ADD1: variants seen among roughly 807,000 people sequenced by gnomAD.
ADD1 encodes the protein adducin 1, also known as alpha-adducin.
A neutral mutation model predicts 80.5 loss-of-function variants in ADD1; 24 were observed. The ratio of observed to expected loss-of-function variants is 0.30; its 90% CI spans 0.22 to 0.42. The LOEUF is 0.42. ADD1 is among the 10% of genes least tolerant of loss of function. The pLI is 1.00. For missense variants in ADD1, 948 were observed against 1,019.0 expected (o/e 0.93, Z 0.95); for synonymous variants, 373 against 393.8 (o/e 0.95, Z 0.63).
intron 1 of ADD1, among the ~76,000 whole-genome samples, chr4:2,849,937 G>A (rs1236210908): frequency 6.6e-6 from 1 of 152,236 alleles, no homozygotes; most frequent in Non-Finnish European, 1.5e-5. Context: ...ATACATGAAA[G>A]AGAGAATGTT....
chr4:2,893,392 G>T (rs1057241984), intron 4 of ADD1, among the ~76,000 whole-genome samples: 2 of 152,048 alleles, frequency 1.3e-5, no homozygotes, highest in South Asian at 2.1e-4. Flanking sequence ...GGCAGATCCA[G>T]TTGAGCCCAG....
At chr4:2,853,142 T>C (rs1248195982) in intron 1 of ADD1, 1 of 150,874 alleles carries the variant, frequency 6.6e-6, no homozygotes, top group Non-Finnish European at 1.5e-5. Context: ...AGGTTCTCAC[T>C]GTGTTGCCCA....
intron 13 of ADD1, 191 bp from the exon 14 acceptor site, chr4:2,914,693 G>A: frequency 1.7e-6 from 1 of 575,774 alleles, no homozygotes; most frequent in Non-Finnish European, 3.0e-6. Context: ...TCGTGGCACT[G>A]ACCTGTGTTT....
chr4:2,862,234 G>A (rs553402647), intron 1 of ADD1, among the ~76,000 whole-genome samples: 1 of 152,236 alleles, frequency 6.6e-6, no homozygotes, highest in Non-Finnish European at 1.5e-5. Flanking sequence ...AGCTGTGCCA[G>A]ATGCTGCTGA....
intron 4 of ADD1, among the ~76,000 whole-genome samples, chr4:2,891,399 A>T (rs1734280239): frequency 6.6e-6 from 1 of 152,076 alleles, no homozygotes; most frequent in Non-Finnish European, 1.5e-5. Context: ...GTGAGCTGAG[A>T]TCGTGCCCCT....
chr4:2,928,104 C>A, intron 15 of ADD1, 67 bp from the exon 16 acceptor site: 1 of 1,393,742 alleles, frequency 7.2e-7, no homozygotes, highest in South Asian at 1.2e-5. Flanking sequence ...TGGGGCTCCC[C>A]CATCTCAAGC....
intron 1 of ADD1, among the ~76,000 whole-genome samples, chr4:2,856,197 C>G (rs1728037115): frequency 6.6e-6 from 1 of 152,116 alleles, no homozygotes; most frequent in African/African-American, 2.4e-5. Flanking sequence ...CAACCTTCAC[C>G]TAAGTTCTTG....
chr4:2,915,010 G>A lies in ADD1; in HGVS notation c.1918G>A (p.Glu640Lys). The A allele has an allele frequency of 6.2e-7, 1 of 1,613,910 alleles. No homozygotes were observed. Among genetic ancestry groups the A allele is most frequent in the Non-Finnish European group, 8.5e-7 (1 of 1,179,890 alleles). The stretch of plus-strand genomic sequence containing the variant: ...CCGTGAGCTGGAGGAGTACCGCAGG[G>A]AGGTGGAGAGGAAGCAGAAGGGCTC... ...TDRELEEYRR[E>K]VERKQKGSEE... Residue 640 changes from glutamate (E) to lysine (K), a missense_variant, in exon 14 of 16, where the codon GAG (glutamate) becomes AAG (lysine). Coordinates refer to ENST00000683351, the MANE Select transcript of ADD1 (RefSeq NM_001354761.2).
chr4:2,878,933 G>A (rs1446480596), intron 2 of ADD1, among the ~76,000 whole-genome samples: 2 of 152,138 alleles, frequency 1.3e-5, no homozygotes, highest in East Asian at 3.8e-4. Context: ...GAAAGTGTGA[G>A]CTGGATGCTA....
chr4:2,885,268 C>T (rs1050383519), intron 4 of ADD1, among the ~76,000 whole-genome samples: 7 of 152,152 alleles, frequency 4.6e-5, no homozygotes, highest in Admixed American at 2.6e-4. Flanking sequence ...CTGTACTCTC[C>T]CTCCCAGCTT....
intron 1 of ADD1, among the ~76,000 whole-genome samples, chr4:2,846,203 ACT>A (rs2108765408): frequency 6.6e-6 from 1 of 152,288 alleles, no homozygotes; most frequent in East Asian, 1.9e-4. Context: ...ATACAGTGTG[ACT>A]CATTTTAATT....
intron 11 of ADD1, among the ~76,000 whole-genome samples, chr4:2,908,182 C>CAGA (rs1308321324): frequency 5.3e-5 from 8 of 152,250 alleles, no homozygotes; most frequent in African/African-American, 1.9e-4. Context: ...TTTGGTGTAT[C>CAGA]AGAGCAGGAG....
In ADD1 at chr4:2,894,750, A is replaced by G; in HGVS notation, c.741+19A>G. On this transcript the variant is annotated intron_variant, in intron 6 of 15. Coordinates refer to ENST00000683351, the MANE Select transcript of ADD1 (RefSeq NM_001354761.2). Reference sequence around the variant, plus strand: ...GGCTGCGGTGAGTGGCTGCCCTGGTAGCATCTCAAGGTCTAAAGCTGCTGA... The same window carrying G: ...GGCTGCGGTGAGTGGCTGCCCTGGTGGCATCTCAAGGTCTAAAGCTGCTGA... 1 of 1,586,390 alleles carries G rather than the reference A, an allele frequency of 6.3e-7. No individual in the cohort carries two copies. Among genetic ancestry groups the G allele is most frequent in the Non-Finnish European group, 8.5e-7 (1 of 1,171,480 alleles).
chr4:2,875,347 C>T (rs1463557914), intron 1 of ADD1, among the ~76,000 whole-genome samples: 2 of 152,232 alleles, frequency 1.3e-5, no homozygotes, highest in African/African-American at 4.8e-5. Context: ...ATTGCTGGTA[C>T]CTGCCATTGT....
chr4:2,901,655 A>G (rs1736192642), intron 9 of ADD1: 1 of 152,154 alleles, frequency 6.6e-6, no homozygotes, highest in South Asian at 2.1e-4. Flanking sequence ...CCACACTATA[A>G]TATATGTTGC....
intron 14 of ADD1, among the ~76,000 whole-genome samples, chr4:2,922,312 G>A (rs1740188201): frequency 6.6e-6 from 1 of 152,158 alleles, no homozygotes; most frequent in Admixed American, 6.5e-5. Flanking sequence ...ACCTTCAGAT[G>A]GCGTTTTCAT....
chr4:2,865,805 A>G (rs111504796), intron 1 of ADD1, among the ~76,000 whole-genome samples: 2,686 of 152,314 alleles, frequency 0.018, 72 homozygotes, highest in African/African-American at 0.061. Context: ...CATCACTTCA[A>G]CAAAACTATA....
chr4:2,898,575 T>C, intron 8 of ADD1, 44 bp downstream of exon 8: 2 of 1,542,918 alleles, frequency 1.3e-6, no homozygotes, highest in African/African-American at 1.4e-5. Context: ...TATTTAGATG[T>C]GTCTGGGGTT....
At chr4:2,884,434 T>C in intron 3 of ADD1, 81 bp from the exon 4 acceptor site, 1 of 1,167,814 alleles carries the variant, frequency 8.6e-7, no homozygotes, top group Non-Finnish European at 1.2e-6. Flanking sequence ...CAAGTGATCC[T>C]CCTGCCTTAG....
Sources: allele counts gnomAD v4.1 joint callset (sites outside exome capture counted in the v4.1 genomes callset), GRCh38; gene constraint gnomAD v4.1.1; transcripts MANE v1.5; gene names NCBI Gene and HGNC (gene_info 2026-07-23, HGNC 2026-07-21).